XIST: variants seen among roughly 807,000 people sequenced by gnomAD.
XIST encodes the protein X inactive specific transcript (non-protein coding).
chrX:73,845,951 G>C (rs755056912), exon 1 of XIST: 1 of 556,907 alleles, frequency 1.8e-6, no homozygotes, highest in South Asian at 2.2e-5. Context: ...GGGTCTGAGA[G>C]TAGGACCTTA....
chrX:73,838,538 G>A (rs1422427268), intron 1 of XIST, among the ~76,000 whole-genome samples: 4 of 111,038 alleles, frequency 3.6e-5, no homozygotes, highest in Non-Finnish European at 1.9e-5. Context: ...CATCAAAACA[G>A]TAAAGGAGAG....
chrX:73,828,943 T>C lies in XIST; in HGVS notation n.11916+125A>G, dbSNP rs767695118. On this transcript the variant is annotated intron_variant and non_coding_transcript_variant, in intron 5 of 5. Transcript: ENST00000429829. Reference sequence around the variant, plus strand: ...AGTAATATGGAAGACTGGTCATCTTTCCATCTCACATTTAGCCCCACTTCA... The same window carrying C: ...AGTAATATGGAAGACTGGTCATCTTCCCATCTCACATTTAGCCCCACTTCA... 76 of 430,178 alleles carry C rather than the reference T, an allele frequency of 1.8e-4. No homozygotes were observed. The East Asian group carries it at 2.4e-3, about 14-fold the overall frequency. The allele number at this position is 430,178 out of a possible 1,213,427, so 35.5% of individuals were successfully genotyped here.
chrX:73,825,329 T>G, exon 6 of XIST: 1 of 559,228 alleles, frequency 1.8e-6, no homozygotes, highest in Non-Finnish European at 3.2e-6. Context: ...TGTGTCTGCA[T>G]AGTACTATAT....
exon 1 of XIST, chrX:73,841,825 C>T (rs1422526740): frequency 5.9e-6 from 3 of 506,284 alleles, no homozygotes; most frequent in Non-Finnish European, 1.1e-5. Context: ...TTTTTAAAAG[C>T]ACCTCTGCAT....
At chrX:73,824,699 C>T in exon 6 of XIST, 1 of 558,474 alleles carries the variant, frequency 1.8e-6, no homozygotes, top group Non-Finnish European at 3.2e-6. Context: ...TTAGAAAGCA[C>T]ATTCGCAAGC....
exon 6 of XIST, chrX:73,823,556 G>A (rs373301226): frequency 5.6e-5 from 31 of 555,624 alleles, no homozygotes; most frequent in Non-Finnish European, 9.4e-5. Flanking sequence ...CAAAAAGCAC[G>A]CCTGAGGCAT....
chrX:73,827,663 A>G (rs1381621961), exon 6 of XIST: 1 of 548,872 alleles, frequency 1.8e-6, no homozygotes, highest in Non-Finnish European at 3.3e-6. Context: ...TCACAAAGAG[A>G]AAAGAGAGGT....
exon 1 of XIST, chrX:73,843,576 T>C (rs961688696): frequency 1.8e-6 from 1 of 557,241 alleles, no homozygotes; most frequent in Non-Finnish European, 3.2e-6. Context: ...ACTCTTAGTC[T>C]AAAAGAAGAG....
exon 1 of XIST, chrX:73,847,576 C>A (rs1922807828): frequency 1.9e-6 from 1 of 514,362 alleles, no homozygotes; most frequent in East Asian, 3.6e-5. Context: ...TCAGTACCCC[C>A]TTCTATGATG....
At position 73,826,948 on chromosome X, in the gene XIST, T is replaced by G. The variant is rs373929898; in HGVS notation, n.12953A>C. 1.3e-5 allele frequency: 7 copies of G among 556,755 alleles called. No homozygotes were observed. The African/African-American group carries it at 1.3e-4, about 11-fold the overall frequency. 45.9% of individuals were successfully genotyped at this position (556,755 alleles called of 1,213,427 possible). On this transcript the variant is annotated non_coding_transcript_exon_variant, in exon 6 of 6. Coordinates refer to ENST00000429829, the Ensembl canonical transcript of XIST. Reference sequence around the variant, plus strand: ...TGAGACTTCCATCCAACTCAGGCCTTCGGTCCAATTCAGGCCACCCTCTGT... The same window carrying G: ...TGAGACTTCCATCCAACTCAGGCCTGCGGTCCAATTCAGGCCACCCTCTGT...
chrX:73,822,434 T>A, exon 6 of XIST: 1 of 515,014 alleles, frequency 1.9e-6, no homozygotes, highest in African/African-American at 2.3e-5. Flanking sequence ...AAGGCATGCA[T>A]TTTTTTCCCA....
At chrX:73,849,817 T>C in exon 1 of XIST, 1 of 496,995 alleles carries the variant, frequency 2.0e-6, no homozygotes, top group Non-Finnish European at 3.5e-6. Context: ...TGGGCGGGAC[T>C]GAGGAACTAG....
chrX:73,852,611 C>T (rs1219950920), exon 1 of XIST: 1 of 490,983 alleles, frequency 2.0e-6, no homozygotes, highest in Non-Finnish European at 3.6e-6. Flanking sequence ...TAAAGAAATA[C>T]GCCATAAAGG....
At chrX:73,852,418 T>C in exon 1 of XIST, 1 of 548,705 alleles carries the variant, frequency 1.8e-6, no homozygotes, top group South Asian at 2.4e-5. Flanking sequence ...AGTAAAAAAC[T>C]GATCCACAAA....
chrX:73,829,054 C>T (rs1469804929), intron 5 of XIST: 1 of 554,440 alleles, frequency 1.8e-6, no homozygotes, highest in South Asian at 2.3e-5. Context: ...AGGACTGCAA[C>T]ATCAACAACT....
At chrX:73,831,288 A>C in intron 3 of XIST, 1 of 516,851 alleles carries the variant, frequency 1.9e-6, no homozygotes. Context: ...AAAAGAGATA[A>C]AAGAAAAAGT....
exon 6 of XIST, chrX:73,822,111 G>T: frequency 1.8e-6 from 1 of 559,019 alleles, no homozygotes; most frequent in Non-Finnish European, 3.2e-6. Flanking sequence ...CTCAAGTGTA[G>T]GTGGTTCCCC....
At chrX:73,845,765 T>G (rs1440044015) in exon 1 of XIST, 1 of 532,793 alleles carries the variant, frequency 1.9e-6, no homozygotes, top group African/African-American at 2.8e-5. Flanking sequence ...CCAAATGTAA[T>G]GATCTTATGG....
chrX:73,831,906 C>A (rs1182292513), intron 3 of XIST, among the ~76,000 whole-genome samples: 2 of 112,221 alleles, frequency 1.8e-5, no homozygotes, highest in Non-Finnish European at 3.8e-5. Flanking sequence ...CATAATATTG[C>A]CAAGATAAAG....
Sources: allele counts gnomAD v4.1 joint callset (sites outside exome capture counted in the v4.1 genomes callset), GRCh38; gene constraint gnomAD v4.1.1; transcripts MANE v1.5; gene names NCBI Gene and HGNC (gene_info 2026-07-23, HGNC 2026-07-21).